ADRA1B: variants seen among roughly 807,000 people sequenced by gnomAD.
ADRA1B encodes adrenoceptor alpha 1B.
In ADRA1B, 17 loss-of-function variants were observed where a neutral mutation model predicts 17.9. That is an observed-to-expected ratio of 0.95 (90% confidence interval 0.65 to 1.42). ADRA1B has a LOEUF of 1.42. ADRA1B is among the 40% of genes most tolerant of loss of function. ADRA1B has a pLI of 0.00. For synonymous variants in ADRA1B, 366 were observed against 327.6 expected, an observed-to-expected ratio of 1.12 and a Z score of -1.27; for missense variants, 681 against 722.1, an observed-to-expected ratio of 0.94 and a Z score of 0.65.
chr5:159,987,452 T>C, the ADRA1B span, among the ~76,000 whole-genome samples: 1 of 152,212 alleles, frequency 6.6e-6, no homozygotes, highest in Non-Finnish European at 1.5e-5. Context: ...GAAGCAGCTC[T>C]TTAGACACTG....
intron 1 of ADRA1B, chr5:159,951,561 G>A (rs1259079486): frequency 1.8e-6 from 1 of 540,704 alleles, no homozygotes; most frequent in Admixed American, 2.6e-5. Context: ...AACGGGAGGA[G>A]CAGAGAGCCC....
At position 159,957,929 on chromosome 5, in the gene ADRA1B, C is replaced by CAAAAAAAAAAAA. The variant is rs35956137; in HGVS notation, c.950-13938_950-13927dup. ...GGGCAACAAGAGCAAAACCCCATCTCAAAAAAAAAAAAAAAAAAAAAAAGA... is the reference window on the plus strand; with the variant it reads ...GGGCAACAAGAGCAAAACCCCATCTCAAAAAAAAAAAAAAAAAAAAAAAAAAAAAAAAAAAGA... On this transcript the variant is annotated intron_variant, in intron 1 of 1. Coordinates refer to ENST00000306675, the MANE Select transcript of ADRA1B (RefSeq NM_000679.4). Among the ~76,000 whole-genome samples the CAAAAAAAAAAAA allele has an allele frequency of 4.8e-3, 316 of 66,458 alleles. 1 individual carries two copies. Among genetic ancestry groups the CAAAAAAAAAAAA allele is most frequent in the Middle Eastern group, 9.3e-3 (1 of 108 alleles). 43.6% of individuals were successfully genotyped at this position (66,458 alleles called of 152,430 possible).
intron 1 of ADRA1B, among the ~76,000 whole-genome samples, chr5:159,883,081 T>G (rs1291880060): frequency 1.3e-5 from 2 of 152,174 alleles, no homozygotes; most frequent in African/African-American, 4.8e-5. Context: ...CAAGCCACCA[T>G]GTTTACTGTT....
intron 1 of ADRA1B, among the ~76,000 whole-genome samples, chr5:159,902,513 T>C (rs1223829829): frequency 6.6e-6 from 1 of 151,790 alleles, no homozygotes; most frequent in Admixed American, 6.6e-5. Context: ...AAAAGGAATG[T>C]TTGAAATGAG....
At chr5:159,904,523 T>G (rs373371725) in intron 1 of ADRA1B, among the ~76,000 whole-genome samples, 3 of 152,222 alleles carry the variant, frequency 2.0e-5, no homozygotes, top group African/African-American at 7.2e-5. Context: ...AGAACCTTAA[T>G]GGAAGGCACC....
intron 1 of ADRA1B, among the ~76,000 whole-genome samples, chr5:159,941,929 T>C (rs73315499): frequency 1.6e-5 from 2 of 128,840 alleles, no homozygotes; most frequent in Non-Finnish European, 1.8e-5. Flanking sequence ...CTTTTTTTTT[T>C]TTTTTTTTTT....
At chr5:159,896,344 G>A (rs1056347741) in intron 1 of ADRA1B, among the ~76,000 whole-genome samples, 14 of 152,196 alleles carry the variant, frequency 9.2e-5, no homozygotes, top group African/African-American at 3.4e-4. Context: ...AAAAGCTTTG[G>A]ATGTGAAATC....
intron 1 of ADRA1B, among the ~76,000 whole-genome samples, chr5:159,952,454 T>C (rs902926560): frequency 3.3e-5 from 5 of 152,226 alleles, no homozygotes; most frequent in Admixed American, 6.5e-5. Context: ...AAAGCATGGA[T>C]GGCGAAACTG....
At chr5:159,985,078 TC>T in the ADRA1B span, among the ~76,000 whole-genome samples, 2 of 151,920 alleles carry the variant, frequency 1.3e-5, no homozygotes. Context: ...GCCACATGGG[TC>T]CCCTTAATGA....
At chr5:159,986,076 G>A in the ADRA1B span, among the ~76,000 whole-genome samples, 1 of 152,200 alleles carries the variant, frequency 6.6e-6, no homozygotes, top group Admixed American at 6.5e-5. Flanking sequence ...CTTTTTAAGA[G>A]GGCCTGAGTT....
intron 1 of ADRA1B, chr5:159,947,763 T>C (rs949543223): frequency 8.1e-6 from 8 of 985,430 alleles, no homozygotes; most frequent in Non-Finnish European, 9.6e-6. Context: ...ATGAGCACAA[T>C]TTAAATCTCT....
the ADRA1B span, among the ~76,000 whole-genome samples, chr5:159,978,410 T>A: frequency 6.6e-6 from 1 of 152,340 alleles, no homozygotes; most frequent in East Asian, 1.9e-4. Flanking sequence ...ATCTGATGAA[T>A]GTCATCTGGG....
chr5:159,968,978 G>A (rs921382570), intron 1 of ADRA1B, among the ~76,000 whole-genome samples: 1 of 152,184 alleles, frequency 6.6e-6, no homozygotes, highest in Non-Finnish European at 1.5e-5. Flanking sequence ...TGTGAACAGA[G>A]ACAACTCCCC....
At chr5:159,902,003 T>C (rs1479688281) in intron 1 of ADRA1B, among the ~76,000 whole-genome samples, 1 of 152,178 alleles carries the variant, frequency 6.6e-6, no homozygotes, top group Non-Finnish European at 1.5e-5. Context: ...TCTCAGTATA[T>C]ATTAAAGGAA....
chr5:159,926,629 G>A (rs908984431), intron 1 of ADRA1B, among the ~76,000 whole-genome samples: 4 of 152,148 alleles, frequency 2.6e-5, no homozygotes, highest in African/African-American at 9.7e-5. Context: ...GCTCAAACCT[G>A]TAATCCCAGC....
chr5:159,978,883 C>T, the ADRA1B span, among the ~76,000 whole-genome samples: 2 of 152,200 alleles, frequency 1.3e-5, no homozygotes, highest in Non-Finnish European at 2.9e-5. Context: ...CACGGACACC[C>T]GTACAGTACT....
intron 1 of ADRA1B, among the ~76,000 whole-genome samples, chr5:159,896,652 C>G (rs1333429352): frequency 6.6e-6 from 1 of 152,122 alleles, no homozygotes; most frequent in Non-Finnish European, 1.5e-5. Context: ...CATATTAGGT[C>G]CTCTGTCAAA....
chr5:159,976,127 T>C (rs565214414), downstream of ADRA1B, among the ~76,000 whole-genome samples: 1 of 152,246 alleles, frequency 6.6e-6, no homozygotes, highest in Admixed American at 6.5e-5. Flanking sequence ...CATTGGGGGA[T>C]CAAATGAGAT....
At chr5:159,918,877 T>C (rs1124743) in intron 1 of ADRA1B, among the ~76,000 whole-genome samples, 18 of 152,244 alleles carry the variant, frequency 1.2e-4, no homozygotes, top group African/African-American at 3.9e-4. Flanking sequence ...TGGGGGACAC[T>C]ACAGAAAATG....
Sources: allele counts gnomAD v4.1 joint callset (sites outside exome capture counted in the v4.1 genomes callset), GRCh38; gene constraint gnomAD v4.1.1; transcripts MANE v1.5; gene names NCBI Gene and HGNC (gene_info 2026-07-23, HGNC 2026-07-21).